The following DNAH7 variants were observed in gnomAD, a reference collection of about 807,000 sequenced individuals.
DNAH7 encodes the protein axonemal beta dynein heavy chain 7.
In DNAH7, 397 loss-of-function variants were observed where a neutral mutation model predicts 444.6. That is an observed-to-expected ratio of 0.89 (90% CI 0.82 to 0.97). The LOEUF (loss-of-function observed/expected upper bound fraction) is 0.97, where lower values mean the gene tolerates loss of function less well. DNAH7 is among the 50% of genes least tolerant of loss of function. The pLI, the probability that DNAH7 is intolerant of heterozygous loss-of-function variation, is 0.00. For missense variants in DNAH7, 4,902 were observed against 4,800.8 expected, an observed-to-expected ratio of 1.02 and a Z score of -0.62; for synonymous variants, 1,636 against 1,624.4, an observed-to-expected ratio of 1.01 and a Z score of -0.17.
intron 47 of DNAH7, among the ~76,000 whole-genome samples, chr2:195,836,437 C>A (rs999178041): frequency 6.6e-6 from 1 of 151,420 alleles, no homozygotes; most frequent in Non-Finnish European, 1.5e-5. Context: ...CTTGAGTTTG[C>A]AGTGAGCTGG....
intron 17 of DNAH7, among the ~76,000 whole-genome samples, chr2:195,961,754 A>G (rs189982893): frequency 8.8e-4 from 134 of 152,288 alleles, no homozygotes; most frequent in Non-Finnish European, 1.5e-3. Flanking sequence ...AGTTAACAAG[A>G]ACTTAAATAT....
chr2:195,935,460 G>A (rs374526106), intron 20 of DNAH7, among the ~76,000 whole-genome samples: 21 of 152,100 alleles, frequency 1.4e-4, no homozygotes, highest in African/African-American at 5.1e-4. Flanking sequence ...GAAGGCACAA[G>A]TTAACAAAAT....
intron 16 of DNAH7, 24 bp downstream of exon 16, chr2:195,972,218 A>C (rs1372134400): frequency 2.5e-6 from 4 of 1,572,970 alleles, no homozygotes; most frequent in Non-Finnish European, 3.5e-6. Context: ...CAGAAAATGA[A>C]AATAAAATAT....
intron 2 of DNAH7, among the ~76,000 whole-genome samples, chr2:196,054,633 G>A (rs1028836536): frequency 6.6e-6 from 1 of 152,134 alleles, no homozygotes; most frequent in Non-Finnish European, 1.5e-5. Context: ...TTATAGAGAT[G>A]AGTGACATGG....
In DNAH7 at chr2:195,808,776, T is replaced by G. The variant is rs1366354492; in HGVS notation, c.9989A>C (p.Glu3330Ala). The G allele has an allele frequency of 6.2e-7, 1 of 1,613,968 alleles. No individual in the cohort carries two copies. ...CTWLPQKSWD[E>A]ICRLDDLPAF... ...AGGCAAATCATCTAATCGACATATT[T>G]CATCCCAGGATTTCTGAGGAAGCCA... The change falls in exon 53 of 65, where the codon GAA (glutamate) becomes GCA (alanine). Residue 3330 changes from glutamate to alanine, a missense_variant. Glu to Ala is a moderately radical substitution (Grantham distance 107, BLOSUM62 -1). Transcript: ENST00000312428.
At chr2:196,036,473 G>A (rs539408275) in intron 5 of DNAH7, among the ~76,000 whole-genome samples, 10 of 152,266 alleles carry the variant, frequency 6.6e-5, no homozygotes, top group East Asian at 5.8e-4. Flanking sequence ...AGGAATAGGC[G>A]ATCCAGCATA....
Position 195,777,870 on chromosome 2 carries a change from G to C in DNAH7, c.10994C>G (p.Pro3665Arg). The C allele has an allele frequency of 1.9e-6, 3 of 1,614,092 alleles. No homozygotes were observed. In the South Asian group the frequency reaches 3.3e-5, roughly 18 times the overall value. ...ATAGTCTGAATTTTCAACTAATTCG[G>C]GATTGAAGAATTTGTTTAGAATGCT... ...LRSILNKFFN[P>R]ELVENSDYKF... The change falls in exon 59 of 65, where the codon CCC becomes CGC. Residue 3665 changes from proline to arginine, a missense_variant. Coordinates refer to ENST00000312428, the MANE Select transcript of DNAH7 (RefSeq NM_018897.3).
intron 19 of DNAH7, among the ~76,000 whole-genome samples, chr2:195,937,648 T>C (rs891099226): frequency 1.3e-5 from 2 of 152,190 alleles, no homozygotes; most frequent in Non-Finnish European, 2.9e-5. Context: ...TAGAAATACA[T>C]ATAAAAATAC....
intron 47 of DNAH7, among the ~76,000 whole-genome samples, chr2:195,835,970 G>C (rs1368665231): frequency 6.6e-6 from 1 of 152,210 alleles, no homozygotes; most frequent in African/African-American, 2.4e-5. Context: ...CACTGACTGA[G>C]TGGCTTAAAC....
At position 195,852,086 on chromosome 2, in the gene DNAH7, G is replaced by A. The variant is rs186667345; in HGVS notation, c.8781+1257C>T. Among the ~76,000 whole-genome samples, 187 of 152,056 alleles carry A rather than the reference G, an allele frequency of 1.2e-3. 2 individuals are homozygous for A. The highest frequency in any genetic ancestry group is 1.4e-3 in the Admixed American group (22 of 15,264). ...ATCCTGGCTAACATGGTGAAACCCC[G>A]TCTCTACTAAAAATACAAAAAATTA... On this transcript the variant is annotated intron_variant, in intron 46 of 64. Coordinates refer to ENST00000312428, the MANE Select transcript of DNAH7 (RefSeq NM_018897.3).
At chr2:196,051,346 A>G (rs1241737979) in intron 2 of DNAH7, 97 bp from the exon 3 acceptor site, 23 of 903,562 alleles carry the variant, frequency 2.5e-5, no homozygotes, top group Non-Finnish European at 1.9e-6. Flanking sequence ...TTTAAAAAGT[A>G]CATATTATCC....
intron 12 of DNAH7, among the ~76,000 whole-genome samples, chr2:195,998,432 C>T (rs987235067): frequency 9.9e-5 from 15 of 151,874 alleles, no homozygotes; most frequent in East Asian, 1.9e-4. Context: ...AAAATAGCCA[C>T]GCATGGTGGC....
chr2:195,930,842 C>A (rs1688644431), intron 21 of DNAH7, among the ~76,000 whole-genome samples: 1 of 152,088 alleles, frequency 6.6e-6, no homozygotes, highest in African/African-American at 2.4e-5. Flanking sequence ...TACTATGCAG[C>A]CACAAAAATA....
intron 17 of DNAH7, among the ~76,000 whole-genome samples, chr2:195,963,240 AAAGT>A (rs1691233533): frequency 6.6e-6 from 1 of 152,226 alleles, no homozygotes. Flanking sequence ...ACAGTGTAAG[AAAGT>A]TTCCTTTTCT....
intron 23 of DNAH7, 100 bp downstream of exon 23, chr2:195,923,495 T>C (rs527960683): frequency 8.7e-7 from 1 of 1,143,588 alleles, no homozygotes; most frequent in African/African-American, 1.5e-5. Flanking sequence ...GCAAAAGATC[T>C]CAGATTACTG....
At chr2:195,876,771 T>A in intron 36 of DNAH7, 72 bp from the exon 37 acceptor site, 1 of 1,035,454 alleles carries the variant, frequency 9.7e-7, no homozygotes, top group Non-Finnish European at 1.4e-6. Context: ...ACACTAAGCA[T>A]CATTACTGAT....
Position 195,972,396 on chromosome 2 carries a change from C to A in DNAH7, c.1904G>T (p.Cys635Phe), listed in dbSNP as rs766832154. The change falls in exon 16 of 65, where the codon TGC becomes TTC. Residue 635 changes from cysteine (C) to phenylalanine (F), a missense_variant. Cys to Phe is a radical substitution (Grantham distance 205). Transcript: ENST00000312428. ...LEQRLVDSKN[C>F]LAFLIEYVNF... ...GACATACTCGATGAGGAAGGCGAGG[C>A]AGTTTTTGGAATCCACTAATCTCTG... 3.7e-6 allele frequency: 6 copies of A among 1,613,986 alleles called. No individual in the cohort carries two copies. The highest frequency in any genetic ancestry group is 4.2e-6 in the Non-Finnish European group (5 of 1,180,012).
intron 38 of DNAH7, among the ~76,000 whole-genome samples, chr2:195,875,395 C>CCAGAAGGTGGGAGAAAAAAGTTT (rs527656446): frequency 1.3e-5 from 2 of 151,682 alleles, no homozygotes; most frequent in Admixed American, 6.6e-5. Context: ...TGGAAGACTT[C>CCAGAAGGTGGGAGAAAAAAGTTT]CAGAAGGTGG....
intron 21 of DNAH7, among the ~76,000 whole-genome samples, chr2:195,932,963 T>C (rs1381781648): frequency 6.6e-6 from 1 of 152,198 alleles, no homozygotes; most frequent in East Asian, 1.9e-4. Flanking sequence ...TCCCTCTTTT[T>C]CTATTGATTG....
Sources: allele counts gnomAD v4.1 joint callset (sites outside exome capture counted in the v4.1 genomes callset), GRCh38; gene constraint gnomAD v4.1.1; transcripts MANE v1.5; gene names NCBI Gene and HGNC (gene_info 2026-07-23, HGNC 2026-07-21).